CFAP46: variants seen among roughly 807,000 people sequenced by gnomAD.
CFAP46 encodes the protein cilia- and flagella-associated protein 46.
CFAP46 carries 245 observed loss-of-function variants against 325.7 expected under a neutral mutation model. The observed-to-expected ratio is 0.75, with a 90% confidence interval of 0.68 to 0.84. CFAP46 has a LOEUF of 0.84. Among genes scored for constraint, CFAP46 ranks in the 40% least tolerant of loss-of-function variants. The pLI is 0.00. For missense variants in CFAP46, 3,346 were observed against 3,543.0 expected (o/e 0.94, Z 1.41); for synonymous variants, 1,523 against 1,495.9 (o/e 1.02, Z -0.42).
chr10:132,922,410 C>T (rs894703797), intron 12 of CFAP46, 70 bp downstream of exon 12: 1 of 1,475,964 alleles, frequency 6.8e-7, no homozygotes, highest in African/African-American at 1.4e-5. Flanking sequence ...CTGCTGTGCC[C>T]TCAGAGCCCC....
intron 35 of CFAP46, among the ~76,000 whole-genome samples, chr10:132,864,684 C>A (rs1848786192): frequency 6.9e-6 from 1 of 145,900 alleles, no homozygotes; most frequent in African/African-American, 2.6e-5. Flanking sequence ...CCGAGACCTG[C>A]ACACACCTGT....
intron 8 of CFAP46, 105 bp downstream of exon 8, chr10:132,934,646 AG>A (rs1220767469): frequency 4.0e-6 from 3 of 742,124 alleles, no homozygotes; most frequent in Non-Finnish European, 6.8e-6. Flanking sequence ...GCTTTTGCAA[AG>A]GTGGTTCTAG....
intron 29 of CFAP46, among the ~76,000 whole-genome samples, chr10:132,878,349 C>T (rs996960079): frequency 6.6e-6 from 1 of 152,204 alleles, no homozygotes; most frequent in Non-Finnish European, 1.5e-5. Flanking sequence ...AGTCTCACTC[C>T]ACTGTCAGGG....
chr10:132,851,413 C>T, intron 39 of CFAP46, 108 bp from the exon 40 acceptor site: 2 of 1,018,786 alleles, frequency 2.0e-6, no homozygotes, highest in Middle Eastern at 2.2e-4. Flanking sequence ...TCATAACAAA[C>T]TGCGCAGATC....
chr10:132,838,180 T>C (rs968526110), intron 44 of CFAP46, among the ~76,000 whole-genome samples: 1 of 152,196 alleles, frequency 6.6e-6, no homozygotes, highest in African/African-American at 2.4e-5. Context: ...CAGTTCAGGC[T>C]CCTCACCACC....
intron 41 of CFAP46, 51 bp downstream of exon 41, chr10:132,850,193 A>G: frequency 6.5e-7 from 1 of 1,530,538 alleles, no homozygotes; most frequent in Non-Finnish European, 8.8e-7. Flanking sequence ...TTTTTCAGGC[A>G]CGGGTGACTG....
rs1332167896 is a variant in CFAP46 at position 132,886,808 on chromosome 10, G to C, written c.3305-849C>G. On this transcript the variant is annotated intron_variant, in intron 25 of 57. Transcript: ENST00000368586. This position sits in a 1 kb window ranked among gnomAD's most constrained non-coding sequence, Gnocchi z 5.8. ...AGGCCCCACCTCGGGAAGGGGTGCT[G>C]AGTGGCGGGTCTGTGCCTTGTTGCT... Among the ~76,000 whole-genome samples, 2 of 152,082 alleles carry C rather than the reference G, an allele frequency of 1.3e-5. No homozygotes were observed. The highest frequency in any genetic ancestry group is 3.8e-4 in the East Asian group (2 of 5,198).
intron 56 of CFAP46, 46 bp from the exon 57 acceptor site, chr10:132,810,535 C>T: frequency 6.4e-7 from 1 of 1,566,248 alleles, no homozygotes; most frequent in Non-Finnish European, 8.8e-7. Flanking sequence ...ACCCTGGCAG[C>T]CTTGCTGAAG....
At chr10:132,849,966 G>A (rs1404011530) in intron 41 of CFAP46, among the ~76,000 whole-genome samples, 3 of 152,162 alleles carry the variant, frequency 2.0e-5, no homozygotes, top group African/African-American at 2.4e-5. Context: ...GGCGGGCCGC[G>A]TGCTGGGGCG....
At chr10:132,811,139 C>T (rs563802657) in intron 55 of CFAP46, 108 bp from the exon 56 acceptor site, 18 of 934,324 alleles carry the variant, frequency 1.9e-5, no homozygotes, top group African/African-American at 1.5e-4. Flanking sequence ...GGGCATGGCA[C>T]GCTGGCCACT....
chr10:132,911,990 C>T (rs1005216811), intron 19 of CFAP46, among the ~76,000 whole-genome samples: 1 of 152,054 alleles, frequency 6.6e-6, no homozygotes, highest in Non-Finnish European at 1.5e-5. Context: ...TCACGTCTGT[C>T]GCCTCCACTG....
rs1337824373 is a variant in CFAP46 at position 132,867,497 on chromosome 10, CTT to C, written c.4619_4620del (p.Lys1540ArgfsTer10). The C allele has an allele frequency of 6.5e-7, 1 of 1,550,136 alleles. No homozygotes were observed. On this transcript the variant is annotated frameshift_variant, in exon 34 of 58. Transcript: ENST00000368586. LOFTEE classifies it high-confidence loss of function. ...TTTTTCTCTTTTTTCAACGCGATCT[CTT>C]TTCTGCAGCTAATGCGAGGAAAACA... ...VSELEQASCRKEIALKKEKNK... is the reference protein window; with the variant it reads ...VSELEQASCRXEIALKKEKNK...
rs1219838686 is a variant in CFAP46 at position 132,850,291 on chromosome 10, G to T, written c.5905C>A (p.Gln1969Lys). 6.4e-7 allele frequency: 1 copy of T among 1,550,914 alleles called. No homozygotes were observed. The highest frequency in any genetic ancestry group is 8.7e-7 in the Non-Finnish European group (1 of 1,147,114). Residue 1969 changes from glutamine to lysine, a missense_variant, in exon 41 of 58, where the codon CAA becomes AAA. Physicochemically the swap from Gln to Lys is moderately conservative, Grantham distance 53 (BLOSUM62 1). Transcript: ENST00000368586. ...AGRALHLLAM[Q>K]ADPVHPTCYW... The stretch of plus-strand genomic sequence containing the variant: ...CAGGTAGGGTGCACAGGGTCAGCTT[G>T]CATGGCCAGCAGGTGCAGGGCCCTC...
intron 17 of CFAP46, 109 bp from the exon 18 acceptor site, chr10:132,913,367 G>GTT: frequency 1.6e-6 from 1 of 607,006 alleles, no homozygotes; most frequent in Non-Finnish European, 2.8e-6. Context: ...GCAAGAAGTG[G>GTT]GAGGGGCGGG....
At chr10:132,910,458 T>A (rs1199373970) in intron 19 of CFAP46, among the ~76,000 whole-genome samples, 1 of 152,262 alleles carries the variant, frequency 6.6e-6, no homozygotes, top group Non-Finnish European at 1.5e-5. Flanking sequence ...GTGCTTTGCC[T>A]GCAGTGACGG....
rs954962212 is a variant in CFAP46 at position 132,919,843 on chromosome 10, A to C, written c.1730+216T>G. ...GACAGGCGGGACAGGGCAGCCGCAC[A>C]CCTCATAGGCCGTGGCTGTCATCAC... On this transcript the variant is annotated intron_variant, in intron 14 of 57. Coordinates refer to ENST00000368586, the MANE Select transcript of CFAP46 (RefSeq NM_001200049.3). The surrounding 1 kb of genome is among the most constrained non-coding windows in gnomAD (Gnocchi z 9.7). 1.3e-5 allele frequency among the ~76,000 whole-genome samples: 2 copies of C among 151,928 alleles called. No homozygotes were observed. Among genetic ancestry groups the C allele is most frequent in the Non-Finnish European group, 2.9e-5 (2 of 67,956 alleles).
At chr10:132,812,993 C>T (rs886618468) in intron 54 of CFAP46, 96 bp from the exon 55 acceptor site, 35 of 864,774 alleles carry the variant, frequency 4.0e-5, no homozygotes, top group Non-Finnish European at 4.8e-5. Context: ...GCGTGGTCCA[C>T]GCCTGTCCCA....
rs1413264655 is a variant in CFAP46, at chr10:132,859,083, G to C, written c.5363C>G (p.Ala1788Gly). 3.2e-6 allele frequency: 5 copies of C among 1,550,706 alleles called. No individual in the cohort carries two copies. Among genetic ancestry groups the C allele is most frequent in the Admixed American group, 2.0e-5 (1 of 50,994 alleles). Residue 1788 changes from alanine to glycine, a missense_variant, in exon 38 of 58, where the codon GCG becomes GGG. Physicochemically the swap from Ala to Gly is moderately conservative, Grantham distance 60. Coordinates refer to ENST00000368586, the MANE Select transcript of CFAP46 (RefSeq NM_001200049.3). ...GAGGCAGCCTTACCTCTTGATCTTC[G>C]CACGCTCTAGTTTTACGTCAACACA... ...ENCVDVKLERAKIKRLRAQNE... is the reference protein window; with the variant it reads ...ENCVDVKLERGKIKRLRAQNE...
At position 132,808,864 on chromosome 10, in the gene CFAP46, GAGC is replaced by G. The variant is rs771708776; in HGVS notation, c.7702_7704del (p.Ala2568del). ...TGGTGGGAAGGAGCTCGGAGCTTTG[GAGC>G]AGCAGCAGCTTGTCCTTCAAGGTCT... is the stretch of plus-strand genomic sequence containing the variant. On this transcript the variant is annotated inframe_deletion, in exon 58 of 58. Transcript: ENST00000368586. The surrounding 1 kb of genome is among the most constrained non-coding windows in gnomAD (Gnocchi z 6.8). 6.2e-7 allele frequency: 1 copy of G among 1,600,616 alleles called. No individual in the cohort carries two copies. Among genetic ancestry groups the G allele is most frequent in the Non-Finnish European group, 8.5e-7 (1 of 1,170,432 alleles).
Sources: gnomAD v4.1 joint callset for allele counts (sites outside exome capture counted in the v4.1 genomes callset) on GRCh38, gnomAD v4.1.1 for gene constraint, Gnocchi (gnomAD v3.1) non-coding constraint, MANE v1.5 for transcripts, NCBI Gene and HGNC (gene_info 2026-07-23, HGNC 2026-07-21) for gene names.